Variants in COL19A1 observed in about 807,000 individuals in gnomAD.
COL19A1 encodes collagen type XIX alpha 1 chain, also known as collagen alpha-1(XIX) chain.
A neutral mutation model predicts 190.2 loss-of-function variants in COL19A1; 159 were observed. The observed-to-expected ratio is 0.84, with a 90% CI of 0.73 to 0.95. The LOEUF is 0.95. COL19A1 is among the 40% of genes least tolerant of loss of function. COL19A1 has a pLI of 0.00. For synonymous variants in COL19A1, 509 were observed against 458.9 expected, an observed-to-expected ratio of 1.11 and a Z score of -1.39; for missense variants, 1,418 against 1,431.9, an observed-to-expected ratio of 0.99 and a Z score of 0.16.
intron 2 of COL19A1, among the ~76,000 whole-genome samples, chr6:69,897,487 A>ACACC (rs57788189): frequency 1.3e-4 from 18 of 142,628 alleles, no homozygotes; most frequent in African/African-American, 4.3e-4. Flanking sequence ...ACACACACAC[A>ACACC]CCCCATACTG....
rs117147514 is a variant in COL19A1, at chr6:69,910,476, T to C, written c.266+10138T>C. On this transcript the variant is annotated intron_variant, in intron 4 of 50. Transcript: ENST00000620364. ...TCCAGAATTAATTTCTACTTTATTATGACTAATTACATGTAAATTATCTTG... is the reference window on the plus strand; with the variant it reads ...TCCAGAATTAATTTCTACTTTATTACGACTAATTACATGTAAATTATCTTG... Among the ~76,000 whole-genome samples the C allele has an allele frequency of 3.0e-3, 461 of 152,318 alleles. 18 individuals carry two copies. The East Asian group carries it at 0.075, about 25-fold the overall frequency.
chr6:69,962,896 T>A (rs1562039633), intron 11 of COL19A1, 26 bp downstream of exon 11: 1 of 1,566,702 alleles, frequency 6.4e-7, no homozygotes, highest in East Asian at 2.3e-5. Flanking sequence ...TACATTCACA[T>A]CTGTAAAAAG....
chr6:70,017,082 A>G (rs2150098692), intron 11 of COL19A1, among the ~76,000 whole-genome samples: 1 of 152,254 alleles, frequency 6.6e-6, no homozygotes, highest in South Asian at 2.1e-4. Flanking sequence ...ATTATTTAGA[A>G]TATCTAAAAA....
intron 14 of COL19A1, among the ~76,000 whole-genome samples, chr6:70,061,057 G>A (rs1359809976): frequency 6.6e-6 from 1 of 152,144 alleles, no homozygotes; most frequent in Non-Finnish European, 1.5e-5. Flanking sequence ...AAGTATGTCT[G>A]TAATTTTCAT....
At chr6:69,938,922 A>G (rs1332968012) in intron 9 of COL19A1, among the ~76,000 whole-genome samples, 1 of 152,148 alleles carries the variant, frequency 6.6e-6, no homozygotes, top group Admixed American at 6.6e-5. Context: ...CTCCAAGGTA[A>G]AATAGATTTT....
chr6:70,002,996 T>C (rs1777366674), intron 11 of COL19A1, among the ~76,000 whole-genome samples: 2 of 152,184 alleles, frequency 1.3e-5, no homozygotes, highest in South Asian at 4.1e-4. Context: ...TTGAGATCTT[T>C]CTAGCTGTCT....
intron 14 of COL19A1, among the ~76,000 whole-genome samples, chr6:70,066,827 G>A (rs1217003177): frequency 6.6e-6 from 1 of 151,952 alleles, no homozygotes; most frequent in Non-Finnish European, 1.5e-5. Context: ...ACATTTATTT[G>A]CATTTGTATT....
At chr6:69,949,531 A>T (rs898103174) in intron 9 of COL19A1, among the ~76,000 whole-genome samples, 2 of 151,898 alleles carry the variant, frequency 1.3e-5, no homozygotes, top group African/African-American at 2.4e-5. Context: ...AATTTTTTTT[A>T]AATTTCAAAA....
At chr6:70,070,823 C>T (rs115009368) in intron 15 of COL19A1, among the ~76,000 whole-genome samples, 271 of 151,896 alleles carry the variant, frequency 1.8e-3, no homozygotes, top group African/African-American at 5.8e-3. Context: ...AAAGCTAAGA[C>T]CAATAATTTT....
At chr6:70,080,755 C>G (rs1157214763) in intron 15 of COL19A1, among the ~76,000 whole-genome samples, 1 of 152,072 alleles carries the variant, frequency 6.6e-6, no homozygotes, top group African/African-American at 2.4e-5. Context: ...CTGAAGCATG[C>G]TAATTATGTA....
chr6:70,205,540 G>C (rs576795572), intron 49 of COL19A1, among the ~76,000 whole-genome samples: 31 of 152,288 alleles, frequency 2.0e-4, no homozygotes, highest in South Asian at 6.2e-4. Context: ...ACATGAGTCT[G>C]CATGGCTGCT....
intron 14 of COL19A1, 58 bp downstream of exon 14, chr6:70,035,997 A>T: frequency 6.7e-7 from 1 of 1,487,954 alleles, no homozygotes; most frequent in Non-Finnish European, 9.4e-7. Context: ...TTTATTATCC[A>T]TATTACATCA....
chr6:70,207,980 C>A lies in COL19A1; in HGVS notation c.*706C>A, dbSNP rs1767997314. ...CTCAATTCAAAGCAATCACCACTGG[C>A]ATGAATAAGTACTGCATGAAAAGGG... is the stretch of plus-strand genomic sequence containing the variant. On this transcript the variant is annotated 3_prime_UTR_variant, in exon 51 of 51. Transcript: ENST00000620364. 1 of 152,172 alleles carries A rather than the reference C, an allele frequency of 6.6e-6. No homozygotes were observed. The highest frequency in any genetic ancestry group is 2.4e-5 in the African/African-American group (1 of 41,440). The allele number at this position is 152,172 out of a possible 1,614,324, so 9.4% of individuals were successfully genotyped here. A position where few individuals can be genotyped will look rare whatever the true frequency, so the allele number is the denominator to read the frequency against.
chr6:70,157,217 A>G (rs552487300), intron 34 of COL19A1, among the ~76,000 whole-genome samples: 2 of 151,364 alleles, frequency 1.3e-5, no homozygotes. Context: ...TTCTTGGGAG[A>G]AAAAAAAACT....
At chr6:69,870,966 G>A (rs1767788318) in intron 1 of COL19A1, among the ~76,000 whole-genome samples, 1 of 152,188 alleles carries the variant, frequency 6.6e-6, no homozygotes, top group Non-Finnish European at 1.5e-5. Flanking sequence ...TTTAACTTGA[G>A]TTCCTAAATT....
At chr6:69,992,745 G>C (rs1362112071) in intron 11 of COL19A1, among the ~76,000 whole-genome samples, 1 of 151,872 alleles carries the variant, frequency 6.6e-6, no homozygotes, top group Admixed American at 6.6e-5. Context: ...TCTCGATTTG[G>C]CTCTCAGCTT....
Position 70,205,770 on chromosome 6 carries a change from A to G in COL19A1, c.3224-1131A>G, listed in dbSNP as rs150118085. On this transcript the variant is annotated intron_variant, in intron 49 of 50. Coordinates refer to ENST00000620364, the MANE Select transcript of COL19A1 (RefSeq NM_001858.6). ...CTTCCAGAGACACAAATTTCTCTGT[A>G]CTCTTGTAGCTCAGCCAATAGCAAG... Among the ~76,000 whole-genome samples the G allele has an allele frequency of 2.6e-3, 393 of 152,306 alleles. 2 individuals are homozygous for G. Among genetic ancestry groups the G allele is most frequent in the African/African-American group, 8.8e-3 (366 of 41,566 alleles).
At chr6:69,932,449 C>A (rs1223332143) in intron 6 of COL19A1, among the ~76,000 whole-genome samples, 1 of 151,606 alleles carries the variant, frequency 6.6e-6, no homozygotes, top group Non-Finnish European at 1.5e-5. Context: ...GAAATGGCCT[C>A]ATTTTGTGGG....
At position 70,017,711 on chromosome 6, in the gene COL19A1, G is replaced by T. The variant is rs114290423; in HGVS notation, c.1027-5916G>T. Among the ~76,000 whole-genome samples the T allele has an allele frequency of 1.7e-3, 252 of 152,152 alleles. 1 individual carries two copies. The highest frequency in any genetic ancestry group is 6.8e-3 in the Middle Eastern group (2 of 294). On this transcript the variant is annotated intron_variant, in intron 11 of 50. Transcript: ENST00000620364. Reference sequence around the variant, plus strand: ...GAAAATGAGTAAATGCAGCTACAGAGGTAGAATAAAAATGAAGGAAATATA... The same window carrying T: ...GAAAATGAGTAAATGCAGCTACAGATGTAGAATAAAAATGAAGGAAATATA...
Sources: gnomAD v4.1 joint callset for allele counts (sites outside exome capture counted in the v4.1 genomes callset) on GRCh38, gnomAD v4.1.1 for gene constraint, MANE v1.5 for transcripts, NCBI Gene and HGNC (gene_info 2026-07-23, HGNC 2026-07-21) for gene names.